Variants in MRTFA observed in about 807,000 individuals in gnomAD.
MRTFA encodes the protein myocardin related transcription factor A.
MRTFA carries 20 observed loss-of-function variants against 83.5 expected under a neutral mutation model. The observed-to-expected ratio is 0.24, with a 90% confidence interval of 0.17 to 0.35. MRTFA has a LOEUF of 0.35. Among genes scored for constraint, MRTFA ranks in the 10% least tolerant of loss-of-function variants. The pLI is 1.00. For synonymous variants in MRTFA, 659 were observed against 541.2 expected (o/e 1.22, Z -3.02); for missense variants, 1,200 against 1,224.7 (o/e 0.98, Z 0.30).
At chr22:40,503,882 A>C (rs2054537843) in intron 3 of MRTFA, among the ~76,000 whole-genome samples, 1 of 152,184 alleles carries the variant, frequency 6.6e-6, no homozygotes, top group Non-Finnish European at 1.5e-5. Context: ...AGATCGTGCC[A>C]CTGCACTTCA....
chr22:40,553,518 C>G (rs985743712), intron 2 of MRTFA, among the ~76,000 whole-genome samples: 1 of 152,116 alleles, frequency 6.6e-6, no homozygotes, highest in African/African-American at 2.4e-5. Context: ...AGCGTGCAAG[C>G]CCAAAACCTC....
chr22:40,479,611 A>G (rs988334786), intron 3 of MRTFA, among the ~76,000 whole-genome samples: 1 of 152,164 alleles, frequency 6.6e-6, no homozygotes, highest in Non-Finnish European at 1.5e-5. Context: ...TCAAACTGAA[A>G]TGCTGCCATC....
intron 3 of MRTFA, among the ~76,000 whole-genome samples, chr22:40,481,631 C>T (rs6001932): frequency 6.6e-6 from 1 of 151,748 alleles, no homozygotes; most frequent in East Asian, 1.9e-4. Flanking sequence ...TTGAAGAGAC[C>T]GATGACTCTT....
chr22:40,555,630 A>C (rs1235214213), intron 2 of MRTFA, among the ~76,000 whole-genome samples: 1 of 150,372 alleles, frequency 6.7e-6, no homozygotes, highest in Non-Finnish European at 1.5e-5. Flanking sequence ...CTATGTAGTT[A>C]GTAAGAATAA....
rs747766808 is a variant in MRTFA at position 40,463,298 on chromosome 22, CAGAG to C, written c.242-16_242-13del. ...TTTCAACTGTAGCACTGCAGGGCAGCAGAGAGAGAGGAGAGATGAGGGGTCAGTT... is the reference window on the plus strand; with the variant it reads ...TTTCAACTGTAGCACTGCAGGGCAGCAGAGAGGAGAGATGAGGGGTCAGTT... On this transcript the variant is annotated splice_polypyrimidine_tract_variant and intron_variant, in intron 3 of 14. Coordinates refer to ENST00000355630, the MANE Select transcript of MRTFA (RefSeq NM_020831.6). The C allele has an allele frequency of 6.2e-7, 1 of 1,612,848 alleles. No individual in the cohort carries two copies. Among genetic ancestry groups the C allele is most frequent in the Non-Finnish European group, 8.5e-7 (1 of 1,179,126 alleles).
At chr22:40,496,626 T>C (rs898060714) in intron 3 of MRTFA, among the ~76,000 whole-genome samples, 1 of 143,108 alleles carries the variant, frequency 7.0e-6, no homozygotes, top group African/African-American at 2.6e-5. Flanking sequence ...CTCAGTAAAT[T>C]TGAGCTGTTG....
rs142878790 is a variant in MRTFA, at chr22:40,419,088, C to G, written c.1650G>C (p.Thr550=). 1 of 1,599,876 alleles carries G rather than the reference C, an allele frequency of 6.3e-7. No individual in the cohort carries two copies. Among genetic ancestry groups the G allele is most frequent in the African/African-American group, 1.3e-5 (1 of 74,516 alleles). ...CCGAGGGGGTGGGAGACACGGGGGGCGTGGAGCCCGTGCTGCCAAACTTCA... is the reference window on the plus strand; with the variant it reads ...CCGAGGGGGTGGGAGACACGGGGGGGGTGGAGCCCGTGCTGCCAAACTTCA... The change falls in exon 12 of 15, where the codon ACG becomes ACC. Residue 550 remains threonine, a synonymous_variant. Transcript: ENST00000355630.
chr22:40,456,328 A>G (rs1471703254), intron 4 of MRTFA, among the ~76,000 whole-genome samples: 3 of 151,964 alleles, frequency 2.0e-5, no homozygotes, highest in South Asian at 2.1e-4. Flanking sequence ...AAAAAAAAAT[A>G]CTATTTTAAA....
At chr22:40,626,866 AACACACACAC>A (rs141945541) in intron 1 of MRTFA, among the ~76,000 whole-genome samples, 17 of 145,226 alleles carry the variant, frequency 1.2e-4, no homozygotes, top group South Asian at 2.2e-4. Context: ...CCCTGTCTCA[AACACACACAC>A]ACACACACAC....
intron 1 of MRTFA, among the ~76,000 whole-genome samples, chr22:40,627,231 C>T (rs561696229): frequency 3.9e-5 from 6 of 152,246 alleles, no homozygotes; most frequent in Admixed American, 6.5e-5. Flanking sequence ...ACTGCAGCCT[C>T]GATCTCCCGG....
chr22:40,573,027 A>T (rs2055818535), intron 2 of MRTFA, among the ~76,000 whole-genome samples: 1 of 152,220 alleles, frequency 6.6e-6, no homozygotes. Flanking sequence ...AAAAGACCAC[A>T]TATTGTATTA....
chr22:40,468,699 T>C (rs1343929568), intron 3 of MRTFA, among the ~76,000 whole-genome samples: 1 of 152,266 alleles, frequency 6.6e-6, no homozygotes, highest in African/African-American at 2.4e-5. Context: ...AGAAATTATA[T>C]GCCAGCCAAA....
At chr22:40,556,060 G>C (rs1338587682) in intron 2 of MRTFA, among the ~76,000 whole-genome samples, 1 of 152,066 alleles carries the variant, frequency 6.6e-6, no homozygotes, top group Non-Finnish European at 1.5e-5. Context: ...AAAGAAAAAA[G>C]ATTTTAAGAA....
intron 2 of MRTFA, among the ~76,000 whole-genome samples, chr22:40,561,910 T>G (rs544537156): frequency 6.6e-6 from 1 of 152,238 alleles, no homozygotes; most frequent in East Asian, 1.9e-4. Context: ...AGCTTCTACT[T>G]TGGTCTCTTG....
At chr22:40,587,044 T>C (rs910765885) in intron 2 of MRTFA, 2 of 474,526 alleles carry the variant, frequency 4.2e-6, no homozygotes, top group Admixed American at 2.4e-5. Flanking sequence ...AGCTTCAACA[T>C]GATTTTCAGG....
chr22:40,419,045 T>C lies in MRTFA; in HGVS notation c.1693A>G (p.Thr565Ala). The change falls in exon 12 of 15, where the codon ACG becomes GCG. Residue 565 changes from threonine to alanine, a missense_variant. Transcript: ENST00000355630. ...CCGGGGGTGGAGTTTTCATCGCCCG[T>C]GCTGAGCAGTGAGCGCTCCGAGGGG... is the stretch of plus-strand genomic sequence containing the variant. The C allele has an allele frequency of 6.2e-7, 1 of 1,611,872 alleles. No homozygotes were observed. The highest frequency in any genetic ancestry group is 8.5e-7 in the Non-Finnish European group (1 of 1,179,584).
rs5995865 is a variant in MRTFA at position 40,470,779 on chromosome 22, T to G, written c.242-7493A>C. Among the ~76,000 whole-genome samples the G allele has an allele frequency of 8.1e-3, 1,220 of 150,698 alleles. 26 individuals carry two copies. Among genetic ancestry groups the G allele is most frequent in the Middle Eastern group, 0.077 (22 of 286 alleles). On this transcript the variant is annotated intron_variant, in intron 3 of 14. Transcript: ENST00000355630. ...GCCTCACCAATATGGTGAAACCCTG[T>G]CTCTACTAAAAATACAAAAATTAGC...
At chr22:40,618,320 G>C (rs2056479885) in intron 1 of MRTFA, among the ~76,000 whole-genome samples, 1 of 147,702 alleles carries the variant, frequency 6.8e-6, no homozygotes, top group Non-Finnish European at 1.5e-5. Context: ...TCAATCTCCT[G>C]ACCTCGTGAC....
At chr22:40,614,397 T>C (rs868136352) in intron 1 of MRTFA, among the ~76,000 whole-genome samples, 3 of 149,664 alleles carry the variant, frequency 2.0e-5, no homozygotes, top group Non-Finnish European at 4.5e-5. Flanking sequence ...GGTGACAAAG[T>C]GAGACCCTGT....
Sources: allele counts gnomAD v4.1 joint callset (sites outside exome capture counted in the v4.1 genomes callset), GRCh38; gene constraint gnomAD v4.1.1; transcripts MANE v1.5; gene names NCBI Gene and HGNC (gene_info 2026-07-23, HGNC 2026-07-21).